The following EVL variants were observed in gnomAD, a reference collection of about 807,000 sequenced individuals.
The protein encoded by EVL is ena/VASP-like protein.
Under a neutral mutation model 59.6 loss-of-function variants are expected in EVL, and 21 were observed. That is an observed-to-expected ratio of 0.35 (90% CI 0.25 to 0.51). EVL has a LOEUF of 0.51. Ranked by LOEUF, EVL falls within the 20% of genes least tolerant of loss-of-function variation. The pLI, the probability that EVL is intolerant of heterozygous loss-of-function variation, is 0.97. For missense variants in EVL, 462 were observed against 546.6 expected (o/e 0.85, Z 1.54); for synonymous variants, 198 against 203.5 (o/e 0.97, Z 0.23).
intron 8 of EVL, among the ~76,000 whole-genome samples, chr14:100,133,279 C>A (rs1334179490): frequency 6.6e-6 from 1 of 152,250 alleles, no homozygotes. Flanking sequence ...AGCCCAGAGC[C>A]AGCCTGGCTG....
chr14:100,095,788 C>T (rs748479647), intron 2 of EVL, among the ~76,000 whole-genome samples: 7 of 152,264 alleles, frequency 4.6e-5, no homozygotes, highest in Non-Finnish European at 8.8e-5. Flanking sequence ...AGTGCAATGG[C>T]GCAATCTCGG....
intron 6 of EVL, among the ~76,000 whole-genome samples, chr14:100,129,325 G>C (rs777539085): frequency 6.7e-6 from 1 of 150,052 alleles, no homozygotes; most frequent in African/African-American, 2.5e-5. Flanking sequence ...CCATGAGTCT[G>C]CAGGCCTGGG....
intron 1 of EVL, among the ~76,000 whole-genome samples, chr14:100,030,995 G>A (rs959320766): frequency 7.9e-5 from 12 of 152,232 alleles, no homozygotes; most frequent in African/African-American, 2.9e-4. Context: ...TCTCTTCCGT[G>A]TAGGGAAGAG....
At chr14:100,110,522 G>C (rs1243634288) in intron 3 of EVL, among the ~76,000 whole-genome samples, 3 of 152,160 alleles carry the variant, frequency 2.0e-5, no homozygotes, top group Non-Finnish European at 4.4e-5. Flanking sequence ...CCTGGGCCCT[G>C]CAGGGCTGGG....
intron 11 of EVL, chr14:100,140,507 T>C (rs1033070019): frequency 1.3e-4 from 20 of 152,042 alleles, no homozygotes; most frequent in Admixed American, 5.9e-4. Context: ...TGCCAGCTAC[T>C]GGGGAGGCTG....
intron 1 of EVL, among the ~76,000 whole-genome samples, chr14:99,975,748 C>A (rs1209854856): frequency 6.6e-6 from 1 of 152,228 alleles, no homozygotes; most frequent in Non-Finnish European, 1.5e-5. Flanking sequence ...ATCTGCCACT[C>A]ACCTCCTGCT....
At chr14:100,102,513 A>G (rs934015184) in intron 3 of EVL, 34 of 381,626 alleles carry the variant, frequency 8.9e-5, no homozygotes, top group African/African-American at 6.1e-4. Context: ...CTGCTGGAGA[A>G]ACTTCTTGTT....
At chr14:100,112,648 T>C (rs946521385) in intron 3 of EVL, among the ~76,000 whole-genome samples, 5 of 152,214 alleles carry the variant, frequency 3.3e-5, no homozygotes, top group African/African-American at 1.2e-4. Flanking sequence ...AGGCCCCTTG[T>C]GCCCAGAATG....
chr14:100,029,099 A>G (rs1394914592), intron 1 of EVL, among the ~76,000 whole-genome samples: 5 of 152,252 alleles, frequency 3.3e-5, no homozygotes, highest in Admixed American at 6.5e-5. Flanking sequence ...TTAATGTTTA[A>G]CAGATTCAAA....
At chr14:99,982,763 T>A (rs574866525) in intron 1 of EVL, among the ~76,000 whole-genome samples, 1 of 152,342 alleles carries the variant, frequency 6.6e-6, no homozygotes, top group East Asian at 1.9e-4. Flanking sequence ...TAAAGGGACT[T>A]CTTAAAAAGA....
At chr14:100,011,636 A>G (rs1167505839) in intron 1 of EVL, among the ~76,000 whole-genome samples, 2 of 151,190 alleles carry the variant, frequency 1.3e-5, no homozygotes, top group Admixed American at 6.6e-5. Flanking sequence ...GGCTTAGACT[A>G]TTGCCCAAGA....
At chr14:100,128,897 C>A in intron 6 of EVL, 149 bp downstream of exon 6, 1 of 658,582 alleles carries the variant, frequency 1.5e-6, no homozygotes, top group East Asian at 2.7e-5. Flanking sequence ...TGTTCTCAAA[C>A]GAGAAATCAC....
At chr14:100,033,590 A>C (rs183079559) in intron 1 of EVL, among the ~76,000 whole-genome samples, 1 of 152,176 alleles carries the variant, frequency 6.6e-6, no homozygotes, top group Admixed American at 6.5e-5. Flanking sequence ...TATTCTAGCA[A>C]TGTTTGTTTT....
rs975499068 is a variant in EVL, at chr14:100,141,864, C to T, written c.1219+71C>T. On this transcript the variant is annotated intron_variant, in intron 13 of 13. Coordinates refer to ENST00000392920, the MANE Select transcript of EVL (RefSeq NM_016337.3). ...AGGACAAGGGTCCCTGTCACCCAGG[C>T]TGGGGGCCTCCAGTTTTGAGCTGGA... The T allele has an allele frequency of 7.6e-6, 11 of 1,453,486 alleles. No homozygotes were observed. In the African/African-American group the frequency reaches 1.4e-4, roughly 19 times the overall value. The allele number at this position is 1,453,486 out of a possible 1,614,324, so 90.0% of individuals were successfully genotyped here. A position where few individuals can be genotyped will look rare whatever the true frequency, so the allele number is the denominator to read the frequency against.
intron 1 of EVL, among the ~76,000 whole-genome samples, chr14:100,056,053 G>A (rs1050805478): frequency 7.2e-5 from 11 of 151,856 alleles, no homozygotes; most frequent in Non-Finnish European, 1.2e-4. Context: ...CTCACGATCC[G>A]CCCACCTCGG....
intron 1 of EVL, among the ~76,000 whole-genome samples, chr14:100,072,855 G>T (rs2062077373): frequency 6.6e-6 from 1 of 152,196 alleles, no homozygotes; most frequent in African/African-American, 2.4e-5. Context: ...GCTGGGTTTT[G>T]CTGCGTCGCC....
chr14:100,119,812 TAGGCAGATGTG>T (rs202153404), intron 3 of EVL, among the ~76,000 whole-genome samples: 2,400 of 152,294 alleles, frequency 0.016, 26 homozygotes, highest in Non-Finnish European at 0.023. Flanking sequence ...GGTGCATGAC[TAGGCAGATGTG>T]AGGCAGAACT....
chr14:99,986,325 A>G (rs1228830495), intron 1 of EVL, among the ~76,000 whole-genome samples: 2 of 150,180 alleles, frequency 1.3e-5, no homozygotes, highest in East Asian at 2.0e-4. Context: ...AAATGTATCC[A>G]CTGGCACTGC....
rs1888739597 is a variant in EVL at position 100,135,741 on chromosome 14, A to AT, written c.901-160dup. The AT allele has an allele frequency of 1.1e-5, 7 of 638,306 alleles. No homozygotes were observed. The South Asian group carries it at 1.3e-4, about 12-fold the overall frequency. The allele number at this position is 638,306 out of a possible 1,614,324, so 39.5% of individuals were successfully genotyped here. On this transcript the variant is annotated intron_variant, in intron 8 of 13. Coordinates refer to ENST00000392920, the MANE Select transcript of EVL (RefSeq NM_016337.3). ...CTGGCTCGATTCTCTCCCCACTGAG[A>AT]TTTTGCGTTTTCACTTTTAAATATT... is the stretch of plus-strand genomic sequence containing the variant.
Sources: gnomAD v4.1 joint callset for allele counts (sites outside exome capture counted in the v4.1 genomes callset) on GRCh38, gnomAD v4.1.1 for gene constraint, MANE v1.5 for transcripts, NCBI Gene and HGNC (gene_info 2026-07-23, HGNC 2026-07-21) for gene names.